The following STK39 variants were observed in gnomAD, a reference collection of about 807,000 sequenced individuals.
STK39 encodes serine/threonine kinase 39.
STK39 carries 20 observed loss-of-function variants against 77.8 expected under a neutral mutation model. That is an observed-to-expected ratio of 0.26 (90% CI 0.18 to 0.37). The LOEUF (loss-of-function observed/expected upper bound fraction) is 0.37. Ranked by LOEUF, STK39 falls within the 10% of genes least tolerant of loss-of-function variation. STK39 has a pLI of 1.00. For missense variants in STK39, 479 were observed against 656.5 expected, an observed-to-expected ratio of 0.73 and a Z score of 2.95; for synonymous variants, 246 against 234.1, an observed-to-expected ratio of 1.05 and a Z score of -0.47.
At chr2:168,078,349 G>C (rs924820739) in intron 10 of STK39, among the ~76,000 whole-genome samples, 4 of 149,272 alleles carry the variant, frequency 2.7e-5, no homozygotes, top group African/African-American at 1.0e-4. Context: ...GCCAGTGCTG[G>C]TGGCCACCAG....
chr2:168,207,752 C>T (rs1442859201), intron 1 of STK39, among the ~76,000 whole-genome samples: 1 of 151,272 alleles, frequency 6.6e-6, no homozygotes, highest in African/African-American at 2.4e-5. Flanking sequence ...GGTACCGTGT[C>T]TGTTGTTTTT....
rs1375103484 is a variant in STK39 at position 168,213,655 on chromosome 2, C to A, written c.209-31565G>T. Among the ~76,000 whole-genome samples the A allele has an allele frequency of 2.0e-5, 3 of 148,086 alleles. No homozygotes were observed. The East Asian group carries it at 5.9e-4, about 29-fold the overall frequency. ...GAGCCAAGATCACACCACTGCACTC[C>A]AGCTTAGCCTGGGTGACAAAAGCCA... is the stretch of plus-strand genomic sequence containing the variant. On this transcript the variant is annotated intron_variant, in intron 1 of 17. Coordinates refer to ENST00000355999, the MANE Select transcript of STK39 (RefSeq NM_013233.3).
At chr2:168,213,759 C>G (rs1689953882) in intron 1 of STK39, among the ~76,000 whole-genome samples, 1 of 150,932 alleles carries the variant, frequency 6.6e-6, no homozygotes, top group Non-Finnish European at 1.5e-5. Flanking sequence ...GAGCAGTTAA[C>G]CTTGGGGGGA....
chr2:168,056,527 GA>G (rs1172590630), intron 14 of STK39, among the ~76,000 whole-genome samples: 11 of 152,262 alleles, frequency 7.2e-5, no homozygotes, highest in African/African-American at 2.6e-4. Context: ...CTAGCCTGTG[GA>G]GCATAACACA....
chr2:168,242,095 C>A (rs55955513), intron 1 of STK39, among the ~76,000 whole-genome samples: 4 of 152,178 alleles, frequency 2.6e-5, no homozygotes, highest in African/African-American at 9.7e-5. Flanking sequence ...TAAAGGATTG[C>A]AGTCACTTTA....
Position 167,955,431 on chromosome 2 carries a change from A to G in STK39, c.*65T>C. On this transcript the variant is annotated 3_prime_UTR_variant, in exon 18 of 18. Coordinates refer to ENST00000355999, the MANE Select transcript of STK39 (RefSeq NM_013233.3). ...TGGGAGGAAATGGGCAGAAAGAGGG[A>G]GGGTTGAAGGGAGTAGGGGTGGCGG... 6.8e-7 allele frequency: 1 copy of G among 1,476,202 alleles called. No homozygotes were observed. The highest frequency in any genetic ancestry group is 9.3e-7 in the Non-Finnish European group (1 of 1,075,366). 91.4% of individuals were successfully genotyped at this position (1,476,202 alleles called of 1,614,324 possible). A position where few individuals can be genotyped will look rare whatever the true frequency, so the allele number is the denominator to read the frequency against.
intron 10 of STK39, among the ~76,000 whole-genome samples, chr2:168,093,480 C>T (rs911983056): frequency 6.6e-6 from 1 of 152,176 alleles, no homozygotes; most frequent in Non-Finnish European, 1.5e-5. Context: ...GTCACAAGAA[C>T]AGCATGGGAA....
chr2:168,008,631 C>G (rs2390625), intron 16 of STK39, among the ~76,000 whole-genome samples: 2,509 of 152,014 alleles, frequency 0.017, 25 homozygotes, highest in Non-Finnish European at 0.027. Flanking sequence ...GTATTTAATA[C>G]CACGAAACCT....
chr2:168,116,119 C>T (rs970099502), intron 10 of STK39, among the ~76,000 whole-genome samples: 3 of 152,142 alleles, frequency 2.0e-5, no homozygotes, highest in African/African-American at 7.2e-5. Context: ...GTCCCAGCTT[C>T]CTGACCAAGA....
chr2:167,993,136 C>T (rs142608796), intron 16 of STK39, among the ~76,000 whole-genome samples: 2 of 152,108 alleles, frequency 1.3e-5, no homozygotes, highest in East Asian at 1.9e-4. Flanking sequence ...CCAGAATGAG[C>T]GATTTATGTA....
At chr2:168,136,816 A>T (rs1687853485) in intron 8 of STK39, among the ~76,000 whole-genome samples, 2 of 152,270 alleles carry the variant, frequency 1.3e-5, no homozygotes, top group Admixed American at 6.5e-5. Context: ...TCAATGAAAG[A>T]TTAAAAAATT....
At chr2:168,179,727 A>C (rs1689038055) in intron 2 of STK39, among the ~76,000 whole-genome samples, 1 of 152,182 alleles carries the variant, frequency 6.6e-6, no homozygotes, top group South Asian at 2.1e-4. Flanking sequence ...CTAAGTTACA[A>C]GTAGCTCCAA....
chr2:167,997,618 C>T lies in STK39; in HGVS notation c.1498+15016G>A, dbSNP rs141363201. On this transcript the variant is annotated intron_variant, in intron 16 of 17. Transcript: ENST00000355999. ...AACCTGCAGCCATCTGATTTTAAAA[C>T]CTGTGTTCCTTCCCTACATCACATA... 1.3e-3 allele frequency among the ~76,000 whole-genome samples: 194 copies of T among 152,304 alleles called. 1 individual carries two copies. Among genetic ancestry groups the T allele is most frequent in the African/African-American group, 4.1e-3 (169 of 41,560 alleles).
At chr2:168,216,794 G>T (rs966236274) in intron 1 of STK39, among the ~76,000 whole-genome samples, 1 of 152,196 alleles carries the variant, frequency 6.6e-6, no homozygotes, top group African/African-American at 2.4e-5. Flanking sequence ...GAACAGCAGC[G>T]GACTTTCATC....
intron 7 of STK39, among the ~76,000 whole-genome samples, chr2:168,138,520 C>T (rs1019760250): frequency 6.6e-6 from 1 of 152,122 alleles, no homozygotes; most frequent in Non-Finnish European, 1.5e-5. Flanking sequence ...TTGAGGAGCA[C>T]GTAGCTCCAG....
At chr2:168,001,312 C>A in intron 16 of STK39, among the ~76,000 whole-genome samples, 1 of 148,944 alleles carries the variant, frequency 6.7e-6, no homozygotes, top group African/African-American at 2.5e-5. Context: ...AAATTGGGCA[C>A]AAACGTTGAT....
chr2:168,165,218 C>T (rs1688667798), intron 3 of STK39, among the ~76,000 whole-genome samples: 15 of 152,230 alleles, frequency 9.9e-5, no homozygotes, highest in Admixed American at 9.2e-4. Context: ...GAACAAGAGT[C>T]CACGTCTGCC....
At chr2:168,044,774 A>C (rs1193357482) in intron 14 of STK39, among the ~76,000 whole-genome samples, 1 of 152,226 alleles carries the variant, frequency 6.6e-6, no homozygotes, top group South Asian at 2.1e-4. Flanking sequence ...GGCCAACTGC[A>C]TGCTGGGCAA....
chr2:168,234,147 G>C (rs962691859), intron 1 of STK39, among the ~76,000 whole-genome samples: 1 of 152,122 alleles, frequency 6.6e-6, no homozygotes, highest in Non-Finnish European at 1.5e-5. Flanking sequence ...TTATTAAAAG[G>C]TGGCCTCACA....
Sources: allele counts gnomAD v4.1 joint callset (sites outside exome capture counted in the v4.1 genomes callset), GRCh38; gene constraint gnomAD v4.1.1; transcripts MANE v1.5; gene names NCBI Gene and HGNC (gene_info 2026-07-23, HGNC 2026-07-21).